DHX29: variants seen among roughly 807,000 people sequenced by gnomAD.
DHX29 encodes the protein DExH-box helicase 29, also known as ATP-dependent RNA helicase DHX29.
DHX29 carries 79 observed loss-of-function variants against 167.9 expected under a neutral mutation model. The observed-to-expected ratio is 0.47, with a 90% CI of 0.39 to 0.57. The LOEUF (loss-of-function observed/expected upper bound fraction) is 0.57. DHX29 is among the 20% of genes least tolerant of loss of function. The probability of loss-of-function intolerance (pLI) is 0.00; values close to 1 mark genes in which losing one functional copy is unlikely to be tolerated. For missense variants in DHX29, 1,347 were observed against 1,593.4 expected, an observed-to-expected ratio of 0.85 and a Z score of 2.63; for synonymous variants, 530 against 546.0, an observed-to-expected ratio of 0.97 and a Z score of 0.41.
intron 1 of DHX29, among the ~76,000 whole-genome samples, chr5:55,301,574 G>A (rs1054572217): frequency 6.6e-6 from 1 of 151,856 alleles, no homozygotes; most frequent in African/African-American, 2.4e-5. Flanking sequence ...TTAGCCAGGC[G>A]TGGTGGTGCA....
chr5:55,279,757 A>AG (rs932782208), intron 12 of DHX29: 23 of 145,796 alleles, frequency 1.6e-4, no homozygotes, highest in African/African-American at 5.5e-4. Context: ...TTTTGGAGAG[A>AG]GGGGGTCTCC....
intron 13 of DHX29, 71 bp downstream of exon 13, chr5:55,277,035 C>T: frequency 1.8e-6 from 2 of 1,136,254 alleles, no homozygotes; most frequent in Non-Finnish European, 2.5e-6. Context: ...ACTACAAGTG[C>T]CCATCTTCTA....
rs1561135788 is a variant in DHX29 at position 55,264,271 on chromosome 5, ACT to A, written c.3526-1341_3526-1340del. 2.0e-5 allele frequency among the ~76,000 whole-genome samples: 3 copies of A among 152,010 alleles called. No homozygotes were observed. The South Asian group carries it at 6.2e-4, about 32-fold the overall frequency. ...GTCTTTACATTTTAACTACACTTCT[ACT>A]CTCTCTCTTCCCAGAAATAAATCTA... On this transcript the variant is annotated intron_variant, in intron 23 of 26. Coordinates refer to ENST00000251636, the MANE Select transcript of DHX29 (RefSeq NM_019030.4).
Position 55,307,491 on chromosome 5 carries a change from G to A in DHX29, c.83C>T (p.Ala28Val). 6.2e-7 allele frequency: 1 copy of A among 1,613,676 alleles called. No homozygotes were observed. Among genetic ancestry groups the A allele is most frequent in the East Asian group, 2.2e-5 (1 of 44,868 alleles). Residue 28 changes from alanine (A) to valine (V), a missense_variant, in exon 1 of 27, where the codon GCC becomes GTC. By Grantham distance (64) the Ala-to-Val change is moderately conservative. This residue lies in a region of DHX29 where 405 missense variants were observed against 416.8 expected (regional missense o/e 0.97). Coordinates refer to ENST00000251636, the MANE Select transcript of DHX29 (RefSeq NM_019030.4). ...AAVSASRAKS[A>V]EAGIAGEAQS... ...GGCCTCCCCGGCAATTCCAGCCTCG[G>A]CAGATTTGGCTCTGGAAGCAGACAC... is the stretch of plus-strand genomic sequence containing the variant.
In DHX29 at chr5:55,274,863, T is replaced by C; in HGVS notation, c.2572+3A>G. The C allele has an allele frequency of 6.2e-7, 1 of 1,612,018 alleles. No individual in the cohort carries two copies. Among genetic ancestry groups the C allele is most frequent in the Non-Finnish European group, 8.5e-7 (1 of 1,179,286 alleles). On this transcript the variant is annotated splice_donor_region_variant and intron_variant, in intron 15 of 26. Transcript: ENST00000251636. ...TGGAGACCCATTAGAAATAGAAATA[T>C]ACCTAAGTATGCAAGAAGTTCCAAA...
intron 21 of DHX29, 53 bp downstream of exon 21, chr5:55,269,360 T>A: frequency 6.4e-7 from 1 of 1,559,272 alleles, no homozygotes; most frequent in Non-Finnish European, 8.8e-7. Flanking sequence ...AACTTGTAAT[T>A]TCCTGGTCAA....
intron 10 of DHX29, 43 bp from the exon 11 acceptor site, chr5:55,283,854 A>G: frequency 6.7e-7 from 1 of 1,495,838 alleles, no homozygotes; most frequent in Middle Eastern, 1.8e-4. Flanking sequence ...TAACTATTCA[A>G]TATGGAAATT....
intron 26 of DHX29, among the ~76,000 whole-genome samples, chr5:55,257,398 G>A (rs1243274468): frequency 6.6e-6 from 1 of 152,140 alleles, no homozygotes; most frequent in African/African-American, 2.4e-5. Flanking sequence ...TTTGAAGTTG[G>A]AACAATGGCA....
At chr5:55,279,966 A>G (rs955663053) in intron 12 of DHX29, among the ~76,000 whole-genome samples, 42 of 152,288 alleles carry the variant, frequency 2.8e-4, no homozygotes, top group Middle Eastern at 6.8e-3. Flanking sequence ...AGATGGGCAG[A>G]AAATTTGGCT....
In DHX29 at chr5:55,296,356, C is replaced by G. The variant is rs1156404334; in HGVS notation, c.376-7G>C. On this transcript the variant is annotated splice_polypyrimidine_tract_variant and splice_region_variant and intron_variant, in intron 3 of 26. Coordinates refer to ENST00000251636, the MANE Select transcript of DHX29 (RefSeq NM_019030.4). Reference sequence around the variant, plus strand: ...GTAAAGCCATGTATAAATCCTATGACAAGCAAATATAAAAAAAGTCACATT... The same window carrying G: ...GTAAAGCCATGTATAAATCCTATGAGAAGCAAATATAAAAAAAGTCACATT... 4 of 1,605,644 alleles carry G rather than the reference C, an allele frequency of 2.5e-6. No individual in the cohort carries two copies. The highest frequency in any genetic ancestry group is 3.4e-6 in the Non-Finnish European group (4 of 1,176,542).
rs930375067 is a variant in DHX29 at position 55,294,282 on chromosome 5, G to A, written c.652-137C>T. The stretch of plus-strand genomic sequence containing the variant: ...TGTTATTCCTTATTGCTCAGTGAAG[G>A]ACAAATAAATTGACCTTAACATTAA... On this transcript the variant is annotated intron_variant, in intron 5 of 26. Transcript: ENST00000251636. 2.7e-5 allele frequency: 22 copies of A among 829,808 alleles called. No homozygotes were observed. The Admixed American group carries it at 7.0e-4, about 27-fold the overall frequency. 51.4% of individuals were successfully genotyped at this position (829,808 alleles called of 1,614,324 possible). A position where few individuals can be genotyped will look rare whatever the true frequency, so the allele number is the denominator to read the frequency against.
intron 11 of DHX29, 153 bp downstream of exon 11, chr5:55,283,050 T>A (rs1747515214): frequency 1.4e-6 from 1 of 714,642 alleles, no homozygotes; most frequent in Non-Finnish European, 2.2e-6. Context: ...CTATCACATC[T>A]ATCAAAGAAA....
chr5:55,263,652 T>C (rs1290152531), intron 23 of DHX29, among the ~76,000 whole-genome samples: 1 of 151,486 alleles, frequency 6.6e-6, no homozygotes, highest in African/African-American at 2.4e-5. Context: ...CTTTGTAGTC[T>C]CAGGGAGGTG....
intron 7 of DHX29, 147 bp downstream of exon 7, chr5:55,290,068 TTAC>T: frequency 1.1e-6 from 1 of 935,494 alleles, no homozygotes; most frequent in Non-Finnish European, 1.6e-6. Context: ...TCCACAGTAT[TTAC>T]TACTTATTAT....
At chr5:55,297,651 A>G (rs555661865) in intron 2 of DHX29, among the ~76,000 whole-genome samples, 1 of 152,320 alleles carries the variant, frequency 6.6e-6, no homozygotes, top group African/African-American at 2.4e-5. Context: ...ATGTCACGAG[A>G]CATTGTCCTT....
chr5:55,296,387 A>C, intron 3 of DHX29, 38 bp from the exon 4 acceptor site: 1 of 1,588,790 alleles, frequency 6.3e-7, no homozygotes, highest in Non-Finnish European at 8.6e-7. Context: ...ACATTTGTCA[A>C]AGTTCCCTTC....
At chr5:55,271,703 T>G (rs893032758) in intron 18 of DHX29, among the ~76,000 whole-genome samples, 1 of 152,234 alleles carries the variant, frequency 6.6e-6, no homozygotes, top group Non-Finnish European at 1.5e-5. Context: ...ATATGTTACA[T>G]TACTTGCTCA....
At chr5:55,258,507 G>A (rs1454931964) in intron 26 of DHX29, among the ~76,000 whole-genome samples, 4 of 152,204 alleles carry the variant, frequency 2.6e-5, no homozygotes, top group African/African-American at 4.8e-5. Flanking sequence ...TTTGGACCTT[G>A]TATTCTTTGC....
In DHX29 at chr5:55,277,222, T is replaced by G. The variant is rs748030454; in HGVS notation, c.2170A>C (p.Lys724Gln). 3.8e-6 allele frequency: 6 copies of G among 1,592,276 alleles called. No homozygotes were observed. Among genetic ancestry groups the G allele is most frequent in the Non-Finnish European group, 5.1e-6 (6 of 1,168,082 alleles). The change falls in exon 13 of 27, where the codon AAA (lysine) becomes CAA (glutamine). Residue 724 changes from lysine (K) to glutamine (Q), a missense_variant. This residue lies in a region of DHX29 where 882 missense variants were observed against 1,082.4 expected (regional missense o/e 0.81). Coordinates refer to ENST00000251636, the MANE Select transcript of DHX29 (RefSeq NM_019030.4). ...AGAATCAAGTGTAGATCAGAACGTT[T>G]CTGTAAAATTTCCTTCAAGATAATT... ...LLIILKEILQ[K>Q]RSDLHLILMS... is the part of the protein sequence containing the mutation.
Sources: allele counts gnomAD v4.1 joint callset (sites outside exome capture counted in the v4.1 genomes callset), GRCh38; gene constraint gnomAD v4.1.1; regional missense constraint gnomAD v4.1.1; transcripts MANE v1.5; gene names NCBI Gene and HGNC (gene_info 2026-07-23, HGNC 2026-07-21).